The following ITGA1 variants were observed in gnomAD, a reference collection of about 807,000 sequenced individuals.
ITGA1 encodes the protein integrin subunit alpha 1.
Under a neutral mutation model 145.9 loss-of-function variants are expected in ITGA1, and 85 were observed. That is an observed-to-expected ratio of 0.58 (90% CI 0.49 to 0.70). ITGA1 has a LOEUF of 0.70. Ranked by LOEUF, ITGA1 falls within the 30% of genes least tolerant of loss-of-function variation. The probability of loss-of-function intolerance (pLI) is 0.00; values close to 1 mark genes in which losing one functional copy is unlikely to be tolerated. For missense variants in ITGA1, 1,351 were observed against 1,418.7 expected (o/e 0.95, Z 0.77); for synonymous variants, 520 against 495.3 (o/e 1.05, Z -0.66).
intron 6 of ITGA1, among the ~76,000 whole-genome samples, chr5:52,873,726 G>A (rs568608952): frequency 2.0e-4 from 30 of 152,238 alleles, no homozygotes; most frequent in Admixed American, 9.2e-4. Context: ...AATATACATT[G>A]GCCAGACATA....
At position 52,911,556 on chromosome 5, in the gene ITGA1, GTGTATCTAC is replaced by G. The variant is rs1561246332; in HGVS notation, c.1857+1139_1857+1147del. Among the ~76,000 whole-genome samples the G allele has an allele frequency of 3.0e-4, 17 of 56,604 alleles. 1 individual carries two copies. The highest frequency in any genetic ancestry group is 9.3e-4 in the African/African-American group (16 of 17,286). The allele number at this position is 56,604 out of a possible 152,430, so 37.1% of individuals were successfully genotyped here. A position where few individuals can be genotyped will look rare whatever the true frequency, so the allele number is the denominator to read the frequency against. The stretch of plus-strand genomic sequence containing the variant: ...ATATTAGATACATATACTATATATA[GTGTATCTAC>G]TATATATACTATATATATAGTGTAT... On this transcript the variant is annotated intron_variant, in intron 14 of 28. Transcript: ENST00000282588.
intron 23 of ITGA1, among the ~76,000 whole-genome samples, chr5:52,935,457 C>T (rs920306606): frequency 2.6e-5 from 4 of 152,114 alleles, no homozygotes; most frequent in African/African-American, 4.8e-5. Flanking sequence ...GGAGAGACAA[C>T]GTAATATTTT....
At chr5:52,830,590 A>G (rs1479158933) in intron 1 of ITGA1, among the ~76,000 whole-genome samples, 1 of 152,162 alleles carries the variant, frequency 6.6e-6, no homozygotes, top group Non-Finnish European at 1.5e-5. Context: ...CCAATTTTTG[A>G]AAATTTTCAC....
chr5:52,801,900 C>T, intron 1 of ITGA1: 1 of 1,298,222 alleles, frequency 7.7e-7, no homozygotes. Context: ...GTACATTTCT[C>T]AGCATCCTTG....
rs116137903 is a variant in ITGA1 at position 52,841,081 on chromosome 5, G to A, written c.62-8284G>A. ...CTTCCCAGGATGAAACTTGGAAAAT[G>A]CTTAAATACTGAGGTGTTTATTTGG... is the stretch of plus-strand genomic sequence containing the variant. On this transcript the variant is annotated intron_variant, in intron 1 of 28. Transcript: ENST00000282588. Among the ~76,000 whole-genome samples the A allele has an allele frequency of 3.8e-3, 584 of 152,308 alleles. 3 individuals are homozygous for A. Among genetic ancestry groups the A allele is most frequent in the African/African-American group, 0.013 (531 of 41,570 alleles).
chr5:52,795,940 T>C (rs1295766051), intron 1 of ITGA1, among the ~76,000 whole-genome samples: 2 of 151,960 alleles, frequency 1.3e-5, no homozygotes, highest in African/African-American at 2.4e-5. Flanking sequence ...CAATTCTTGG[T>C]CCACAAACAA....
At chr5:52,908,456 A>G (rs1036527528) in intron 12 of ITGA1, among the ~76,000 whole-genome samples, 2 of 152,226 alleles carry the variant, frequency 1.3e-5, no homozygotes, top group African/African-American at 2.4e-5. Flanking sequence ...TTCCAAGACT[A>G]TGAGGTGAAA....
At chr5:52,827,088 A>ATTTT in intron 1 of ITGA1, among the ~76,000 whole-genome samples, 1 of 131,640 alleles carries the variant, frequency 7.6e-6, no homozygotes. Context: ...GCCATTAAGA[A>ATTTT]CTTTTTTTTT....
At chr5:52,856,191 A>T (rs1219062668) in intron 2 of ITGA1, among the ~76,000 whole-genome samples, 1 of 152,112 alleles carries the variant, frequency 6.6e-6, no homozygotes, top group Non-Finnish European at 1.5e-5. Context: ...TCTGAGTTCT[A>T]GCCACCCATA....
chr5:52,944,049 A>G (rs1218564932), intron 26 of ITGA1, among the ~76,000 whole-genome samples: 1 of 152,172 alleles, frequency 6.6e-6, no homozygotes, highest in Non-Finnish European at 1.5e-5. Context: ...TGCAGAACAG[A>G]CATGCCCCAG....
intron 21 of ITGA1, 64 bp from the exon 22 acceptor site, chr5:52,931,983 T>G: frequency 2.1e-6 from 2 of 973,008 alleles, no homozygotes; most frequent in East Asian, 2.4e-5. Context: ...TTTCAAACAC[T>G]TAGAAATGTC....
chr5:52,891,295 T>C (rs1380340720), intron 8 of ITGA1, among the ~76,000 whole-genome samples: 1 of 148,010 alleles, frequency 6.8e-6, no homozygotes, highest in Non-Finnish European at 1.5e-5. Flanking sequence ...ACACACCTCC[T>C]GTAGTAACCA....
chr5:52,824,860 C>A (rs1338368451), intron 1 of ITGA1: 2 of 152,116 alleles, frequency 1.3e-5, no homozygotes, highest in African/African-American at 4.8e-5. Context: ...ATAATTACCT[C>A]AAAATGAAAA....
At chr5:52,820,775 A>G (rs918253327) in intron 1 of ITGA1, among the ~76,000 whole-genome samples, 2 of 152,266 alleles carry the variant, frequency 1.3e-5, no homozygotes, top group African/African-American at 4.8e-5. Flanking sequence ...CAATCAGGTA[A>G]ACATGAATAA....
rs1277037623 is a variant in ITGA1 at position 52,939,692 on chromosome 5, G to A, written c.3180+1G>A. 6.2e-7 allele frequency: 1 copy of A among 1,602,056 alleles called. No individual in the cohort carries two copies. The highest frequency in any genetic ancestry group is 1.7e-5 in the Admixed American group (1 of 59,848). Reference sequence around the variant, plus strand: ...CCATCTCAAACGAGGCACAATTCTGGTAAATTAAGACAAGTGCTATTTTTA... The same window carrying A: ...CCATCTCAAACGAGGCACAATTCTGATAAATTAAGACAAGTGCTATTTTTA... On this transcript the variant is annotated splice_donor_variant, in intron 25 of 28. Coordinates refer to ENST00000282588, the MANE Select transcript of ITGA1 (RefSeq NM_181501.2). LOFTEE classifies it high-confidence loss of function.
intron 14 of ITGA1, among the ~76,000 whole-genome samples, chr5:52,911,375 T>C (rs1233963361): frequency 7.4e-6 from 1 of 134,304 alleles, no homozygotes; most frequent in African/African-American, 2.7e-5. Context: ...ATATAGTGAG[T>C]ATATAGTATA....
intron 1 of ITGA1, among the ~76,000 whole-genome samples, chr5:52,834,479 G>C (rs1401740478): frequency 6.6e-6 from 1 of 150,930 alleles, no homozygotes; most frequent in African/African-American, 2.4e-5. Flanking sequence ...GAGAGACAGA[G>C]AGAGAAAAAG....
chr5:52,930,853 A>G lies in ITGA1; in HGVS notation c.2771+1152A>G, dbSNP rs1750885018. Among the ~76,000 whole-genome samples, 2 of 152,130 alleles carry G rather than the reference A, an allele frequency of 1.3e-5. 1 individual carries two copies. ...CTAGGTACTGAATGTCAGTCAAGGT[A>G]TTATTTCTTAATTGAACAGACCTTG... On this transcript the variant is annotated intron_variant, in intron 21 of 28. Transcript: ENST00000282588.
intron 2 of ITGA1, among the ~76,000 whole-genome samples, chr5:52,854,543 A>G (rs1554043461): frequency 6.6e-6 from 1 of 152,206 alleles, no homozygotes; most frequent in Non-Finnish European, 1.5e-5. Flanking sequence ...TTATTTAAAA[A>G]GAAATTGGCG....
Sources: gnomAD v4.1 joint callset for allele counts (sites outside exome capture counted in the v4.1 genomes callset) on GRCh38, gnomAD v4.1.1 for gene constraint, MANE v1.5 for transcripts, NCBI Gene and HGNC (gene_info 2026-07-23, HGNC 2026-07-21) for gene names.